ROBO2: variants seen among roughly 807,000 people sequenced by gnomAD.
ROBO2 encodes roundabout homolog 2.
ROBO2 carries 53 observed loss-of-function variants against 160.8 expected under a neutral mutation model. The ratio of observed to expected loss-of-function variants is 0.33; its 90% CI spans 0.26 to 0.41. ROBO2 has a LOEUF of 0.41. Among genes scored for constraint, ROBO2 ranks in the 10% least tolerant of loss-of-function variants. The pLI is 1.00. For synonymous variants in ROBO2, 664 were observed against 611.7 expected, an observed-to-expected ratio of 1.09 and a Z score of -1.26; for missense variants, 1,577 against 1,722.4, an observed-to-expected ratio of 0.92 and a Z score of 1.49.
chr3:76,041,654 C>T (rs2067278096), intron 2 of ROBO2, among the ~76,000 whole-genome samples: 1 of 151,566 alleles, frequency 6.6e-6, no homozygotes, highest in Non-Finnish European at 1.5e-5. Flanking sequence ...TTCTTAATAC[C>T]ACAAAACACT....
At chr3:76,665,431 AC>A (rs549888112) in intron 2 of ROBO2, among the ~76,000 whole-genome samples, 39 of 152,136 alleles carry the variant, frequency 2.6e-4, no homozygotes, top group African/African-American at 8.9e-4. Context: ...CAAATGTTGC[AC>A]CCACAGCTTC....
At chr3:76,641,413 A>G (rs2090668554) in intron 2 of ROBO2, among the ~76,000 whole-genome samples, 1 of 152,174 alleles carries the variant, frequency 6.6e-6, no homozygotes, top group African/African-American at 2.4e-5. Context: ...AGAAAATATC[A>G]TGTAAATCCA....
chr3:77,244,182 T>C (rs915455235), intron 2 of ROBO2, among the ~76,000 whole-genome samples: 2 of 152,214 alleles, frequency 1.3e-5, no homozygotes, highest in African/African-American at 4.8e-5. Context: ...TATATAAAAG[T>C]ACCTTTTCCT....
chr3:76,658,084 AT>A (rs1194398915), intron 2 of ROBO2, among the ~76,000 whole-genome samples: 49 of 147,326 alleles, frequency 3.3e-4, no homozygotes, highest in Non-Finnish European at 6.4e-4. Flanking sequence ...AAATAAATAA[AT>A]AAATAAATAA....
At chr3:77,007,798 A>G (rs114096020) in intron 2 of ROBO2, among the ~76,000 whole-genome samples, 222 of 152,252 alleles carry the variant, frequency 1.5e-3, no homozygotes, top group African/African-American at 5.2e-3. Flanking sequence ...CATTCCTACA[A>G]GGGAAATCCT....
chr3:76,429,470 C>T (rs138742923), intron 2 of ROBO2, among the ~76,000 whole-genome samples: 4 of 152,190 alleles, frequency 2.6e-5, no homozygotes, highest in Non-Finnish European at 4.4e-5. Context: ...TTTGTGAATA[C>T]GTTCTAAATT....
At chr3:77,459,624 T>A (rs1168820268) in intron 2 of ROBO2, among the ~76,000 whole-genome samples, 2 of 152,184 alleles carry the variant, frequency 1.3e-5, no homozygotes, top group Non-Finnish European at 2.9e-5. Flanking sequence ...ATATGATATG[T>A]GTGATCTTGC....
chr3:77,276,894 A>G (rs1014849306), intron 2 of ROBO2, among the ~76,000 whole-genome samples: 1 of 152,172 alleles, frequency 6.6e-6, no homozygotes, highest in African/African-American at 2.4e-5. Flanking sequence ...ACTTGTATTT[A>G]TAAAACCATC....
Position 77,243,700 on chromosome 3 carries a change from C to T in ROBO2, c.388+145360C>T, listed in dbSNP as rs748761138. On this transcript the variant is annotated intron_variant, in intron 2 of 25. Transcript: ENST00000461745. ...AACCCAGCACTGTCAATTTAGTGAG[C>T]GCGGCCTTACACAAAGTTATCTAAT... Among the ~76,000 whole-genome samples the T allele has an allele frequency of 3.9e-5, 6 of 152,090 alleles. No homozygotes were observed. In the East Asian group the frequency reaches 9.6e-4, roughly 24 times the overall value.
chr3:77,098,574 G>A (rs780063254), intron 2 of ROBO2, among the ~76,000 whole-genome samples: 5 of 152,076 alleles, frequency 3.3e-5, no homozygotes, highest in South Asian at 2.1e-4. Flanking sequence ...CAGGCCGGGC[G>A]CGGTGGCTCA....
intron 2 of ROBO2, among the ~76,000 whole-genome samples, chr3:76,189,246 G>A (rs1701898821): frequency 1.3e-5 from 2 of 152,018 alleles, no homozygotes; most frequent in African/African-American, 4.8e-5. Flanking sequence ...ATTAATTATA[G>A]TAGAGACAAG....
intron 2 of ROBO2, among the ~76,000 whole-genome samples, chr3:77,399,492 T>G (rs2075599125): frequency 6.6e-6 from 1 of 152,198 alleles, no homozygotes; most frequent in Non-Finnish European, 1.5e-5. Context: ...GTGAAATCCA[T>G]GTACTGTGGC....
chr3:76,051,564 TC>T (rs2067653971), intron 2 of ROBO2, among the ~76,000 whole-genome samples: 1 of 152,146 alleles, frequency 6.6e-6, no homozygotes, highest in African/African-American at 2.4e-5. Context: ...CAGATTAATA[TC>T]ACAGAAAGCA....
intron 2 of ROBO2, among the ~76,000 whole-genome samples, chr3:77,418,440 A>G (rs2077439167): frequency 6.6e-6 from 1 of 152,142 alleles, no homozygotes. Context: ...CAATTTACCA[A>G]AGACATTATA....
At chr3:76,642,445 C>A (rs545130616) in intron 2 of ROBO2, among the ~76,000 whole-genome samples, 94 of 147,668 alleles carry the variant, frequency 6.4e-4, no homozygotes, top group African/African-American at 2.1e-3. Context: ...TTCTGCCTCC[C>A]GGGTTCAAGC....
At chr3:77,643,453 A>G (rs1176486294) in intron 24 of ROBO2, among the ~76,000 whole-genome samples, 5 of 152,204 alleles carry the variant, frequency 3.3e-5, no homozygotes, top group Non-Finnish European at 5.9e-5. Flanking sequence ...ACTGTTAATC[A>G]GTTGATTGAT....
chr3:76,225,434 G>A (rs536702323), intron 2 of ROBO2, among the ~76,000 whole-genome samples: 2 of 152,216 alleles, frequency 1.3e-5, no homozygotes, highest in African/African-American at 4.8e-5. Context: ...ATGAATTCAG[G>A]CCAGGTGTGG....
chr3:76,055,812 G>T lies in ROBO2; in HGVS notation c.109+118210G>T, dbSNP rs2067824290. Reference sequence around the variant, plus strand: ...TCTCGCTCTGTCGGCAGGCTGGAGTGCAGTGGCGCGATCTCGGCTCACCGC... The same window carrying T: ...TCTCGCTCTGTCGGCAGGCTGGAGTTCAGTGGCGCGATCTCGGCTCACCGC... On this transcript the variant is annotated intron_variant, in intron 2 of 26. Coordinates refer to the ROBO2 transcript ENST00000487694. 2.0e-5 allele frequency among the ~76,000 whole-genome samples: 3 copies of T among 152,096 alleles called. No homozygotes were observed. The South Asian group carries it at 6.2e-4, about 31-fold the overall frequency.
In ROBO2 at chr3:76,221,732, C is replaced by T. The variant is rs1368774516; in HGVS notation, c.109+284130C>T. On this transcript the variant is annotated intron_variant, in intron 2 of 26. Coordinates refer to the ROBO2 transcript ENST00000487694. ...GGAACATGGTAAGACCGATGGACTT[C>T]ATGACCATGAGCCCATTGCCACACT... Among the ~76,000 whole-genome samples the T allele has an allele frequency of 2.6e-5, 4 of 152,286 alleles. No homozygotes were observed. The South Asian group carries it at 8.3e-4, about 32-fold the overall frequency.
Sources: allele counts gnomAD v4.1 joint callset (sites outside exome capture counted in the v4.1 genomes callset), GRCh38; gene constraint gnomAD v4.1.1; transcripts MANE v1.5; gene names NCBI Gene and HGNC (gene_info 2026-07-23, HGNC 2026-07-21).